The following CCDC171 variants were observed in gnomAD, a reference collection of about 807,000 sequenced individuals.
The protein encoded by CCDC171 is coiled-coil domain-containing protein 171.
CCDC171 carries 177 observed loss-of-function variants against 168.2 expected under a neutral mutation model. The observed-to-expected ratio is 1.05, with a 90% CI of 0.93 to 1.19. The LOEUF (loss-of-function observed/expected upper bound fraction) is 1.19, where lower values mean the gene tolerates loss of function less well. Ranked by LOEUF, CCDC171 falls within the 50% of genes most tolerant of loss-of-function variation. The probability of loss-of-function intolerance (pLI) is 0.00; values close to 1 mark genes in which losing one functional copy is unlikely to be tolerated. For synonymous variants in CCDC171, 687 were observed against 540.8 expected, an observed-to-expected ratio of 1.27 and a Z score of -3.75; for missense variants, 1,991 against 1,539.0, an observed-to-expected ratio of 1.29 and a Z score of -4.91.
intron 18 of CCDC171, among the ~76,000 whole-genome samples, chr9:15,746,228 C>T (rs1406379362): frequency 6.6e-6 from 1 of 152,098 alleles, no homozygotes; most frequent in South Asian, 2.1e-4. Context: ...TAATTATGGT[C>T]ATTTCAGACA....
Position 15,865,124 on chromosome 9 carries a change from C to T in CCDC171, c.3469-9408C>T, listed in dbSNP as rs764520822. 7.2e-5 allele frequency among the ~76,000 whole-genome samples: 11 copies of T among 151,952 alleles called. No homozygotes were observed. The South Asian group carries it at 8.3e-4, about 11-fold the overall frequency. ...GTGTCTATAAATCCTTTAAATTTAT[C>T]GGACTGAAATGACACTGGAACAATA... On this transcript the variant is annotated intron_variant, in intron 23 of 25. Transcript: ENST00000380701.
intron 24 of CCDC171, among the ~76,000 whole-genome samples, chr9:15,908,515 G>T: frequency 6.6e-6 from 1 of 151,700 alleles, no homozygotes; most frequent in African/African-American, 2.4e-5. Context: ...TCGGGTGGGG[G>T]GAGGTGGGAG....
intron 12 of CCDC171, among the ~76,000 whole-genome samples, chr9:15,722,845 A>C (rs966984546): frequency 6.6e-6 from 1 of 152,194 alleles, no homozygotes; most frequent in Non-Finnish European, 1.5e-5. Flanking sequence ...ATGAGGAACA[A>C]ATATTACGAA....
chr9:15,635,517 C>T (rs1462434002), intron 7 of CCDC171, among the ~76,000 whole-genome samples: 2 of 152,168 alleles, frequency 1.3e-5, no homozygotes, highest in Non-Finnish European at 2.9e-5. Flanking sequence ...ATTCCACTTT[C>T]TTCTGCCTGC....
At chr9:15,790,286 T>G (rs1323139141) in intron 21 of CCDC171, among the ~76,000 whole-genome samples, 2 of 152,230 alleles carry the variant, frequency 1.3e-5, no homozygotes, top group African/African-American at 4.8e-5. Context: ...ATGATTGCCA[T>G]TCTAACTGGT....
At chr9:15,612,760 T>C (rs1268207246) in intron 6 of CCDC171, among the ~76,000 whole-genome samples, 2 of 152,244 alleles carry the variant, frequency 1.3e-5, no homozygotes, top group African/African-American at 4.8e-5. Context: ...CATGCCATTC[T>C]TTGCAATTTC....
chr9:15,953,130 A>C (rs1248561028), intron 25 of CCDC171, among the ~76,000 whole-genome samples: 1 of 152,164 alleles, frequency 6.6e-6, no homozygotes, highest in Non-Finnish European at 1.5e-5. Context: ...CTGCAAAGAA[A>C]GATAATTTCA....
intron 7 of CCDC171, among the ~76,000 whole-genome samples, chr9:15,638,694 T>C (rs2132472645): frequency 6.6e-6 from 1 of 151,942 alleles, no homozygotes; most frequent in African/African-American, 2.4e-5. Context: ...TAAAAGAATT[T>C]AAAAATCTTA....
intron 7 of CCDC171, among the ~76,000 whole-genome samples, chr9:15,632,952 GAA>G (rs1375435088): frequency 6.6e-6 from 1 of 152,210 alleles, no homozygotes; most frequent in East Asian, 1.9e-4. Context: ...ATGGTGCTGG[GAA>G]AACTGGCTAG....
intron 10 of CCDC171, among the ~76,000 whole-genome samples, chr9:15,679,948 T>G (rs2049927933): frequency 2.6e-5 from 4 of 152,166 alleles, no homozygotes; most frequent in Admixed American, 2.6e-4. Flanking sequence ...ACAGATTTCT[T>G]TACATCCTGT....
At position 15,610,130 on chromosome 9, in the gene CCDC171, A is replaced by T. The variant is rs116136553; in HGVS notation, c.676-13137A>T. Among the ~76,000 whole-genome samples the T allele has an allele frequency of 6.2e-3, 941 of 151,864 alleles. 7 individuals carry two copies. Among genetic ancestry groups the T allele is most frequent in the African/African-American group, 0.022 (916 of 41,374 alleles). Reference sequence around the variant, plus strand: ...ATATTCTCCTTGTTTCATGTTTGTAATGTCTTAATTTAACTCTTTGAGGAT... The same window carrying T: ...ATATTCTCCTTGTTTCATGTTTGTATTGTCTTAATTTAACTCTTTGAGGAT... On this transcript the variant is annotated intron_variant, in intron 6 of 25. Transcript: ENST00000380701.
Position 15,576,226 on chromosome 9 carries a change from C to T in CCDC171, c.178-2623C>T, listed in dbSNP as rs573712839. Among the ~76,000 whole-genome samples the T allele has an allele frequency of 4.6e-5, 7 of 151,050 alleles. No individual in the cohort carries two copies. In the South Asian group the frequency reaches 1.5e-3, roughly 32 times the overall value. Reference sequence around the variant, plus strand: ...AGAGACAGGGTCTTGCTCTGTTGTCCAGGCTTGCATGCAGTGATGTGATCA... The same window carrying T: ...AGAGACAGGGTCTTGCTCTGTTGTCTAGGCTTGCATGCAGTGATGTGATCA... On this transcript the variant is annotated intron_variant, in intron 3 of 25. Coordinates refer to ENST00000380701, the MANE Select transcript of CCDC171 (RefSeq NM_173550.4).
At chr9:15,841,068 C>A (rs987651638) in intron 21 of CCDC171, among the ~76,000 whole-genome samples, 6 of 151,950 alleles carry the variant, frequency 3.9e-5, no homozygotes, top group Non-Finnish European at 8.8e-5. Flanking sequence ...AATCATGAGG[C>A]ATTATACAAC....
At chr9:15,993,902 A>T (rs1832288060) in intron 3 of CCDC171, among the ~76,000 whole-genome samples, 1 of 152,200 alleles carries the variant, frequency 6.6e-6, no homozygotes, top group South Asian at 2.1e-4. Context: ...ATCTTACACC[A>T]GTTAGAATGG....
chr9:15,642,999 C>A (rs184350947), intron 7 of CCDC171, among the ~76,000 whole-genome samples: 558 of 152,088 alleles, frequency 3.7e-3, no homozygotes, highest in Middle Eastern at 6.8e-3. Context: ...TTTTTGGAAT[C>A]TGAGAAAATA....
At chr9:15,642,307 G>C (rs1311349277) in intron 7 of CCDC171, among the ~76,000 whole-genome samples, 1 of 107,728 alleles carries the variant, frequency 9.3e-6, no homozygotes, top group East Asian at 3.0e-4. Flanking sequence ...ATACACATAT[G>C]TATACACGTA....
At chr9:16,075,544 G>T in the CCDC171 span, among the ~76,000 whole-genome samples, 1 of 151,866 alleles carries the variant, frequency 6.6e-6, no homozygotes, top group South Asian at 2.1e-4. Context: ...GTTCCTTTAG[G>T]GGCAACAGCT....
At chr9:16,104,574 A>G in the CCDC171 span, among the ~76,000 whole-genome samples, 1 of 152,158 alleles carries the variant, frequency 6.6e-6, no homozygotes, top group Admixed American at 6.5e-5. Flanking sequence ...AGGCAGGATT[A>G]CAGGAAGATG....
At chr9:15,713,395 A>G (rs1480219167) in intron 11 of CCDC171, among the ~76,000 whole-genome samples, 1 of 152,000 alleles carries the variant, frequency 6.6e-6, no homozygotes, top group African/African-American at 2.4e-5. Context: ...AGAGAAAGCA[A>G]TGTAACAGGA....
Sources: gnomAD v4.1 joint callset for allele counts (sites outside exome capture counted in the v4.1 genomes callset) on GRCh38, gnomAD v4.1.1 for gene constraint, MANE v1.5 for transcripts, NCBI Gene and HGNC (gene_info 2026-07-23, HGNC 2026-07-21) for gene names.